Variants in C10orf90 observed in about 807,000 individuals in gnomAD.
C10orf90 encodes (E2-independent) E3 ubiquitin-conjugating enzyme FATS.
A neutral mutation model predicts 62.5 loss-of-function variants in C10orf90; 56 were observed. That is an observed-to-expected ratio of 0.90 (90% CI 0.72 to 1.12). C10orf90 has a LOEUF of 1.12. Among genes scored for constraint, C10orf90 ranks in the 50% most tolerant of loss-of-function variants. The probability of loss-of-function intolerance (pLI) is 0.00; values close to 1 mark genes in which losing one functional copy is unlikely to be tolerated. For synonymous variants in C10orf90, 386 were observed against 340.4 expected, an observed-to-expected ratio of 1.13 and a Z score of -1.47; for missense variants, 970 against 880.4, an observed-to-expected ratio of 1.10 and a Z score of -1.29.
intron 2 of C10orf90, among the ~76,000 whole-genome samples, chr10:126,600,306 G>T (rs545970300): frequency 6.6e-6 from 1 of 152,206 alleles, no homozygotes; most frequent in Non-Finnish European, 1.5e-5. Flanking sequence ...AGGTTTGGCC[G>T]TCCCTGGGAG....
At chr10:126,469,979 G>T (rs965258666) in intron 4 of C10orf90, 2 of 456,672 alleles carry the variant, frequency 4.4e-6, no homozygotes, top group Non-Finnish European at 8.8e-6. Flanking sequence ...CGGAGGCAGG[G>T]AAGGCATTCT....
At chr10:126,588,804 C>T (rs1167705589) in intron 2 of C10orf90, among the ~76,000 whole-genome samples, 1 of 152,160 alleles carries the variant, frequency 6.6e-6, no homozygotes, top group African/African-American at 2.4e-5. Context: ...TCTTCTCCTC[C>T]AATTGACTGC....
intron 2 of C10orf90, among the ~76,000 whole-genome samples, chr10:126,606,955 C>G (rs1219773792): frequency 6.6e-6 from 1 of 152,190 alleles, no homozygotes; most frequent in Non-Finnish European, 1.5e-5. Context: ...AAGTAGGCAT[C>G]TCTTAAAACT....
At chr10:126,438,880 T>A (rs1319364454) in intron 7 of C10orf90, among the ~76,000 whole-genome samples, 1 of 152,002 alleles carries the variant, frequency 6.6e-6, no homozygotes, top group Non-Finnish European at 1.5e-5. Context: ...CCTATACAAC[T>A]GCTGCCCCAG....
At chr10:126,481,993 G>A (rs73371045) in intron 4 of C10orf90, among the ~76,000 whole-genome samples, 1,801 of 152,262 alleles carry the variant, frequency 0.012, 35 homozygotes, top group African/African-American at 0.04. Context: ...AAGCCAAGAC[G>A]AGTCTGAACA....
At position 126,442,478 on chromosome 10, in the gene C10orf90, C is replaced by CATATATATATATAT. The variant is rs55780866; in HGVS notation, c.2189-12642_2189-12629dup. On this transcript the variant is annotated intron_variant, in intron 7 of 9. Coordinates refer to ENST00000488181, the MANE Select transcript of C10orf90 (RefSeq NM_001350921.2). Reference sequence around the variant, plus strand: ...ATAATAGTAGGGAACTTCAATATTTCATATATATATATATATATATATATA... The same window carrying CATATATATATATAT: ...ATAATAGTAGGGAACTTCAATATTTCATATATATATATATATATATATATATATATATATATATA... Among the ~76,000 whole-genome samples the CATATATATATATAT allele has an allele frequency of 9.3e-3, 313 of 33,768 alleles. 36 individuals carry two copies. Among genetic ancestry groups the CATATATATATATAT allele is most frequent in the Admixed American group, 0.02 (52 of 2,628 alleles). 22.2% of individuals were successfully genotyped at this position (33,768 alleles called of 152,430 possible). A position where few individuals can be genotyped will look rare whatever the true frequency, so the allele number is the denominator to read the frequency against.
At chr10:126,599,394 G>A (rs1166646907) in intron 2 of C10orf90, among the ~76,000 whole-genome samples, 2 of 151,438 alleles carry the variant, frequency 1.3e-5, no homozygotes, top group Non-Finnish European at 2.9e-5. Context: ...TAGAGATGGG[G>A]TTTCACCGTG....
At chr10:126,491,466 A>G (rs1011208788) in intron 4 of C10orf90, among the ~76,000 whole-genome samples, 1 of 152,246 alleles carries the variant, frequency 6.6e-6, no homozygotes, top group Non-Finnish European at 1.5e-5. Flanking sequence ...AAAAGGAAAA[A>G]AAACAAACAA....
intron 1 of C10orf90, among the ~76,000 whole-genome samples, chr10:126,652,889 T>C (rs909459303): frequency 1.3e-5 from 2 of 152,210 alleles, no homozygotes; most frequent in Admixed American, 6.5e-5. Flanking sequence ...CTCAGAGATA[T>C]TGGGGGTTCA....
intron 2 of C10orf90, among the ~76,000 whole-genome samples, chr10:126,639,517 A>G (rs576322923): frequency 6.6e-6 from 1 of 152,172 alleles, no homozygotes; most frequent in Admixed American, 6.5e-5. Context: ...GGGGGAATTC[A>G]TTGAAATCAT....
intron 4 of C10orf90, among the ~76,000 whole-genome samples, chr10:126,503,602 G>A (rs930068217): frequency 3.0e-4 from 45 of 152,256 alleles, no homozygotes; most frequent in Middle Eastern, 3.4e-3. Flanking sequence ...TGAAACATCT[G>A]GGGGCGAATG....
chr10:126,604,215 G>C, intron 2 of C10orf90, among the ~76,000 whole-genome samples: 1 of 152,170 alleles, frequency 6.6e-6, no homozygotes, highest in Admixed American at 6.5e-5. Context: ...GTAGCAGTCT[G>C]TCCTGGTCTT....
chr10:126,468,269 A>T (rs962824096), intron 4 of C10orf90, among the ~76,000 whole-genome samples: 1 of 152,070 alleles, frequency 6.6e-6, no homozygotes, highest in African/African-American at 2.4e-5. Context: ...AGGTTTTACC[A>T]TGTTGGCCAG....
At chr10:126,563,302 A>C (rs1219408965) in intron 2 of C10orf90, among the ~76,000 whole-genome samples, 2 of 152,190 alleles carry the variant, frequency 1.3e-5, no homozygotes, top group Non-Finnish European at 2.9e-5. Context: ...CCTGTGACAG[A>C]ATGAGCCTTG....
At chr10:126,452,009 G>C (rs1438121542) in intron 7 of C10orf90, among the ~76,000 whole-genome samples, 1 of 152,120 alleles carries the variant, frequency 6.6e-6, no homozygotes, top group Non-Finnish European at 1.5e-5. Flanking sequence ...CTACTGTAGA[G>C]CATGGTGACT....
At chr10:126,572,071 A>C (rs1844517713) in intron 2 of C10orf90, among the ~76,000 whole-genome samples, 1 of 152,144 alleles carries the variant, frequency 6.6e-6, no homozygotes, top group Non-Finnish European at 1.5e-5. Context: ...GACCTGGGTA[A>C]AATAAGGCTA....
intron 2 of C10orf90, among the ~76,000 whole-genome samples, chr10:126,604,089 TC>T (rs1445478062): frequency 6.6e-6 from 1 of 152,214 alleles, no homozygotes; most frequent in Non-Finnish European, 1.5e-5. Flanking sequence ...TGCATGCAGT[TC>T]CTGCCCGGAG....
intron 2 of C10orf90, among the ~76,000 whole-genome samples, chr10:126,576,169 T>C (rs1844607388): frequency 6.6e-6 from 1 of 152,082 alleles, no homozygotes; most frequent in Non-Finnish European, 1.5e-5. Flanking sequence ...ACTTGCAAAC[T>C]ATTCATCCAA....
chr10:126,646,495 AAG>A (rs139048711), intron 2 of C10orf90, 68 bp downstream of exon 2: 3,679 of 311,130 alleles, frequency 0.012, no homozygotes, highest in South Asian at 0.021. Context: ...ATAAAAATAA[AAG>A]AGAGAGAGAG....
Sources: gnomAD v4.1 joint callset for allele counts (sites outside exome capture counted in the v4.1 genomes callset) on GRCh38, gnomAD v4.1.1 for gene constraint, MANE v1.5 for transcripts, NCBI Gene and HGNC (gene_info 2026-07-23, HGNC 2026-07-21) for gene names.